Variants in ASTN2 observed in about 807,000 individuals in gnomAD.
ASTN2 encodes the protein astrotactin-2.
A neutral mutation model predicts 139.8 loss-of-function variants in ASTN2; 54 were observed. The ratio of observed to expected loss-of-function variants is 0.39; its 90% confidence interval spans 0.31 to 0.48. The LOEUF (loss-of-function observed/expected upper bound fraction) is 0.48. Among genes scored for constraint, ASTN2 ranks in the 20% least tolerant of loss-of-function variants. ASTN2 has a pLI of 0.95. For synonymous variants in ASTN2, 756 were observed against 719.5 expected (o/e 1.05, Z -0.81); for missense variants, 1,565 against 1,725.1 (o/e 0.91, Z 1.64).
rs1005517693 is a variant in ASTN2, at chr9:117,111,690, G to A, written c.1169-15539C>T. On this transcript the variant is annotated intron_variant, in intron 4 of 22. Transcript: ENST00000313400. ...ATGTAAGATATAAATTATCAAATTCGCAAAGCTCATGGAAAATCAAACATG... is the reference window on the plus strand; with the variant it reads ...ATGTAAGATATAAATTATCAAATTCACAAAGCTCATGGAAAATCAAACATG... Among the ~76,000 whole-genome samples the A allele has an allele frequency of 9.2e-5, 14 of 152,044 alleles. No individual in the cohort carries two copies. In the South Asian group the frequency reaches 1.2e-3, roughly 14 times the overall value.
Position 117,007,317 on chromosome 9 carries a change from T to C in ASTN2, c.1591+775A>G, listed in dbSNP as rs1564381206. ...AACAGAGTCATATAATTTACCTGCTTGTTTGACCACTGCAGCACTGTCCCA... is the reference window on the plus strand; with the variant it reads ...AACAGAGTCATATAATTTACCTGCTCGTTTGACCACTGCAGCACTGTCCCA... On this transcript the variant is annotated intron_variant, in intron 7 of 22. Transcript: ENST00000313400. Among the ~76,000 whole-genome samples, 8 of 152,270 alleles carry C rather than the reference T, an allele frequency of 5.3e-5. No homozygotes were observed. The South Asian group carries it at 1.7e-3, about 32-fold the overall frequency.
At chr9:117,214,337 G>T in intron 3 of ASTN2, 21 bp downstream of exon 3, 2 of 1,542,018 alleles carry the variant, frequency 1.3e-6, no homozygotes, top group Non-Finnish European at 8.8e-7. Flanking sequence ...TGGAAAATGG[G>T]CTGTGACATG....
At chr9:117,241,446 A>T (rs1016562008) in intron 2 of ASTN2, among the ~76,000 whole-genome samples, 2 of 152,176 alleles carry the variant, frequency 1.3e-5, no homozygotes, top group African/African-American at 4.8e-5. Flanking sequence ...GGCACCAGGC[A>T]CTGGTTTCGT....
At chr9:116,456,346 A>G (rs1472647147) in intron 20 of ASTN2, among the ~76,000 whole-genome samples, 1 of 152,200 alleles carries the variant, frequency 6.6e-6, no homozygotes, top group East Asian at 1.9e-4. Context: ...GAGTCAAGAA[A>G]TTGAAGAGGA....
intron 19 of ASTN2, among the ~76,000 whole-genome samples, chr9:116,518,604 A>G (rs1850745237): frequency 6.6e-6 from 1 of 152,312 alleles, no homozygotes; most frequent in Non-Finnish European, 1.5e-5. Context: ...CACAATTAAA[A>G]AAAGAAAACC....
chr9:116,553,215 T>C, intron 19 of ASTN2, among the ~76,000 whole-genome samples: 1 of 152,084 alleles, frequency 6.6e-6, no homozygotes, highest in South Asian at 2.1e-4. Flanking sequence ...AGCCAGAAAG[T>C]CTACCTTTGA....
At chr9:116,529,205 C>T (rs1395487717) in intron 19 of ASTN2, among the ~76,000 whole-genome samples, 2 of 152,132 alleles carry the variant, frequency 1.3e-5, no homozygotes, top group Non-Finnish European at 2.9e-5. Context: ...TGCAGAGCCA[C>T]AGGGATGGAG....
intron 19 of ASTN2, among the ~76,000 whole-genome samples, chr9:116,502,909 AAGG>A (rs1256000389): frequency 7.0e-6 from 1 of 142,556 alleles, no homozygotes; most frequent in Non-Finnish European, 1.5e-5. Flanking sequence ...GGAAGGAGGA[AAGG>A]AGGGAGGGAG....
At chr9:116,849,152 G>A (rs187902780) in intron 11 of ASTN2, among the ~76,000 whole-genome samples, 8 of 152,256 alleles carry the variant, frequency 5.3e-5, no homozygotes, top group African/African-American at 1.4e-4. Context: ...TGAGCACATC[G>A]TCCTCCAGGA....
intron 19 of ASTN2, among the ~76,000 whole-genome samples, chr9:116,497,366 C>T (rs1021710616): frequency 6.6e-6 from 1 of 152,162 alleles, no homozygotes; most frequent in Non-Finnish European, 1.5e-5. Flanking sequence ...AGTTATCGAA[C>T]ACCCTCTAGG....
At chr9:116,936,167 C>T (rs1415165893) in intron 10 of ASTN2, among the ~76,000 whole-genome samples, 3 of 7,604 alleles carry the variant, frequency 3.9e-4, no homozygotes, top group Admixed American at 1.2e-3. Flanking sequence ...TCCATCACTA[C>T]CACCAACACC....
chr9:116,649,704 T>C (rs578256603), intron 17 of ASTN2, among the ~76,000 whole-genome samples: 3 of 152,308 alleles, frequency 2.0e-5, no homozygotes, highest in East Asian at 1.9e-4. Context: ...ATATATATCC[T>C]GTGCTTTATT....
intron 4 of ASTN2, among the ~76,000 whole-genome samples, chr9:117,100,462 T>C (rs919783608): frequency 6.6e-6 from 1 of 152,386 alleles, no homozygotes; most frequent in East Asian, 1.9e-4. Context: ...TTTCACTCAG[T>C]ATATTAAAAT....
chr9:117,243,956 C>G (rs1174063907), intron 2 of ASTN2, among the ~76,000 whole-genome samples: 1 of 152,150 alleles, frequency 6.6e-6, no homozygotes, highest in Non-Finnish European at 1.5e-5. Context: ...CTAATCCCCA[C>G]ATGTCTAGGG....
intron 6 of ASTN2, among the ~76,000 whole-genome samples, chr9:117,034,362 G>A (rs1838325658): frequency 6.6e-6 from 1 of 152,178 alleles, no homozygotes; most frequent in Non-Finnish European, 1.5e-5. Context: ...TGTGATCAGG[G>A]TTAGTATGTT....
intron 13 of ASTN2, among the ~76,000 whole-genome samples, chr9:116,769,901 T>C (rs1829911255): frequency 2.1e-5 from 1 of 48,298 alleles, no homozygotes. Context: ...TATATATATA[T>C]GGGCATGGTG....
At chr9:116,536,060 T>C (rs1009112479) in intron 19 of ASTN2, among the ~76,000 whole-genome samples, 10 of 152,026 alleles carry the variant, frequency 6.6e-5, no homozygotes, top group Non-Finnish European at 1.0e-4. Context: ...TGTTTCTTTT[T>C]ATTCTCTTTT....
chr9:116,664,995 G>A (rs10983299), intron 16 of ASTN2, among the ~76,000 whole-genome samples: 11,359 of 152,094 alleles, frequency 0.075, 461 homozygotes, highest in East Asian at 0.14. Context: ...GTGATAATGA[G>A]TTACTTCAAG....
chr9:116,436,991 T>C (rs1248566160), intron 22 of ASTN2, among the ~76,000 whole-genome samples: 1 of 146,804 alleles, frequency 6.8e-6, no homozygotes, highest in East Asian at 2.0e-4. Context: ...TTCTCACTCA[T>C]AGGTGGGAAT....
Sources: gnomAD v4.1 joint callset for allele counts (sites outside exome capture counted in the v4.1 genomes callset) on GRCh38, gnomAD v4.1.1 for gene constraint, MANE v1.5 for transcripts, NCBI Gene and HGNC (gene_info 2026-07-23, HGNC 2026-07-21) for gene names.